The following PCDHA1 variants were observed in gnomAD, a reference collection of about 807,000 sequenced individuals.
The protein encoded by PCDHA1 is protocadherin alpha-1.
Under a neutral mutation model 61.3 loss-of-function variants are expected in PCDHA1, and 42 were observed. That is an observed-to-expected ratio of 0.69 (90% CI 0.54 to 0.89). The LOEUF (loss-of-function observed/expected upper bound fraction) is 0.89, where lower values mean the gene tolerates loss of function less well. PCDHA1 is among the 40% of genes least tolerant of loss of function. The pLI is 0.00. For missense variants in PCDHA1, 1,256 were observed against 1,235.3 expected (o/e 1.02, Z -0.25); for synonymous variants, 610 against 553.8 (o/e 1.10, Z -1.43).
intron 1 of PCDHA1, chr5:140,967,979 G>A (rs1405177525): frequency 1.2e-6 from 2 of 1,614,100 alleles, no homozygotes; most frequent in African/African-American, 1.3e-5. Flanking sequence ...CCTGGGTCTG[G>A]AGGCCACACT....
rs782115801 is a variant in PCDHA1, at chr5:140,787,844, C to G, written c.1554C>G (p.Tyr518Ter). 6.2e-7 allele frequency: 1 copy of G among 1,612,578 alleles called. No homozygotes were observed. Among genetic ancestry groups the G allele is most frequent in the Non-Finnish European group, 8.5e-7 (1 of 1,179,806 alleles). Residue 518 changes from tyrosine (Y) to a stop codon, truncating the protein, a stop_gained, in exon 1 of 4, where the codon TAC becomes TAG. Coordinates refer to ENST00000504120, the MANE Select transcript of PCDHA1 (RefSeq NM_018900.4). LOFTEE classifies it high-confidence loss of function. ...VSVHAESGKV[Y>*]ALQPLDHEEL... ...TGCACGCGGAGAGCGGCAAGGTGTA[C>G]GCACTGCAGCCCCTGGACCACGAGG...
intron 1 of PCDHA1, chr5:140,823,498 G>T (rs2150126426): frequency 1.2e-6 from 2 of 1,613,304 alleles, no homozygotes; most frequent in Admixed American, 1.7e-5. Context: ...CACCGGCGGC[G>T]CAGTGAGCGA....
chr5:140,881,757 A>G (rs1238055344), intron 1 of PCDHA1, among the ~76,000 whole-genome samples: 1 of 152,166 alleles, frequency 6.6e-6, no homozygotes, highest in Non-Finnish European at 1.5e-5. Flanking sequence ...TACCACAAAA[A>G]CCTACATGAC....
chr5:140,870,318 G>A (rs372041974), intron 1 of PCDHA1: 11 of 1,614,060 alleles, frequency 6.8e-6, no homozygotes, highest in African/African-American at 4.0e-5. Flanking sequence ...ATTACTACTC[G>A]TTGGTGCTGG....
At chr5:140,927,639 G>T in intron 1 of PCDHA1, 11 of 1,614,194 alleles carry the variant, frequency 6.8e-6, no homozygotes, top group Non-Finnish European at 9.3e-6. Flanking sequence ...CACCCAATGG[G>T]ACTGTGTTAT....
intron 1 of PCDHA1, chr5:140,869,706 T>C (rs1554163364): frequency 2.5e-6 from 4 of 1,613,406 alleles, no homozygotes; most frequent in South Asian, 1.1e-5. Flanking sequence ...AGTCTCTGGA[T>C]AGAGAGAAAA....
chr5:140,909,550 A>C (rs549281873), intron 1 of PCDHA1, among the ~76,000 whole-genome samples: 2 of 152,232 alleles, frequency 1.3e-5, no homozygotes, highest in East Asian at 3.9e-4. Context: ...GGTGGCACTA[A>C]TCTCTGCAAC....
Position 140,787,542 on chromosome 5 carries a change from C to A in PCDHA1, c.1252C>A (p.Leu418Met). ...GGACAGCGCCCTGGATCGCGAGAGC[C>A]TGTCGGTCTATGAGCTGGTGGTGAC... ...VLDSALDRES[L>M]SVYELVVTAR... The change falls in exon 1 of 4, where the codon CTG becomes ATG. Residue 418 changes from leucine to methionine, a missense_variant. Transcript: ENST00000504120. 6.2e-7 allele frequency: 1 copy of A among 1,614,228 alleles called. No individual in the cohort carries two copies. The highest frequency in any genetic ancestry group is 1.3e-5 in the African/African-American group (1 of 75,068).
intron 1 of PCDHA1, chr5:140,841,780 G>T: frequency 6.2e-7 from 1 of 1,613,894 alleles, no homozygotes; most frequent in South Asian, 1.1e-5. Flanking sequence ...CTCGGTTTCC[G>T]CTAGAGGGCG....
At chr5:140,966,253 G>A in intron 1 of PCDHA1, 1 of 328,324 alleles carries the variant, frequency 3.0e-6, no homozygotes, top group South Asian at 1.5e-4. Context: ...GGGGAGAGAC[G>A]GTGGAGACTG....
chr5:140,938,166 G>A (rs2091953104), intron 1 of PCDHA1, among the ~76,000 whole-genome samples: 2 of 151,980 alleles, frequency 1.3e-5, no homozygotes, highest in South Asian at 4.1e-4. Flanking sequence ...GGCTAGTCTG[G>A]AGCTCCTGGG....
chr5:140,787,329 G>T lies in PCDHA1; in HGVS notation c.1039G>T (p.Ala347Ser). Residue 347 changes from alanine to serine, a missense_variant, in exon 1 of 4, where the codon GCT becomes TCT. Physicochemically the swap from Ala to Ser is moderately conservative, Grantham distance 99 (BLOSUM62 1). Coordinates refer to ENST00000504120, the MANE Select transcript of PCDHA1 (RefSeq NM_018900.4). The stretch of plus-strand genomic sequence containing the variant: ...GAAAGTGCTGGATGTAAATGATAAT[G>T]CTCCAGAACTGGCGGTCACTTCATT... ...LVKVLDVNDN[A>S]PELAVTSLYL... is the part of the protein sequence containing the mutation. 6.2e-7 allele frequency: 1 copy of T among 1,614,162 alleles called. No individual in the cohort carries two copies. Among genetic ancestry groups the T allele is most frequent in the Non-Finnish European group, 8.5e-7 (1 of 1,179,980 alleles).
intron 1 of PCDHA1, among the ~76,000 whole-genome samples, chr5:140,846,371 TTC>T (rs140960073): frequency 0.32 from 35,391 of 108,896 alleles, 6,884 homozygotes; most frequent in South Asian, 0.47. Context: ...TTTTCTTTCT[TTC>T]TTTTTTTTTT....
intron 1 of PCDHA1, chr5:140,856,177 C>G (rs200004763): frequency 6.3e-7 from 1 of 1,598,248 alleles, no homozygotes; most frequent in East Asian, 2.2e-5. Context: ...ACGGCACCTT[C>G]GTGGGCCGCA....
intron 1 of PCDHA1, among the ~76,000 whole-genome samples, chr5:140,879,506 A>T (rs1156992401): frequency 1.3e-5 from 2 of 152,224 alleles, no homozygotes; most frequent in Non-Finnish European, 2.9e-5. Context: ...CTCAGAAGAG[A>T]TTATTGATAT....
chr5:140,791,631 A>T (rs1761668029), intron 1 of PCDHA1, among the ~76,000 whole-genome samples: 1 of 152,198 alleles, frequency 6.6e-6, no homozygotes. Context: ...ATTATTGTTG[A>T]CACTTTTTAC....
At position 140,927,544 on chromosome 5, in the gene PCDHA1, C is replaced by G. The variant is rs1442526060; in HGVS notation, c.2395-51405C>G. 2.5e-6 allele frequency: 4 copies of G among 1,614,034 alleles called. No homozygotes were observed. The East Asian group carries it at 6.7e-5, about 27-fold the overall frequency. ...GCTACCTGCCCGCTCAGGAGACGCA[C>G]AAGTCACCATCATTGTGGTGGACAC... On this transcript the variant is annotated intron_variant, in intron 1 of 3. Transcript: ENST00000504120.
rs2150124281 is a variant in PCDHA1, at chr5:140,823,276, C to T, written c.2394+34592C>T. The T allele has an allele frequency of 1.9e-6, 3 of 1,612,052 alleles. No individual in the cohort carries two copies. Among genetic ancestry groups the T allele is most frequent in the Non-Finnish European group, 2.5e-6 (3 of 1,179,752 alleles). ...GCTGGTGGAGCGGCGGGTGGGCGAGCGCCCGCTGTCGAGTTACGTTTCGGT... is the reference window on the plus strand; with the variant it reads ...GCTGGTGGAGCGGCGGGTGGGCGAGTGCCCGCTGTCGAGTTACGTTTCGGT... On this transcript the variant is annotated intron_variant, in intron 1 of 3. Transcript: ENST00000504120.
chr5:140,855,021 T>C (rs910000039), intron 1 of PCDHA1, among the ~76,000 whole-genome samples: 2 of 149,920 alleles, frequency 1.3e-5, no homozygotes, highest in African/African-American at 4.9e-5. Context: ...ATGAAACTTC[T>C]TGTATAAAGG....
Sources: allele counts gnomAD v4.1 joint callset (sites outside exome capture counted in the v4.1 genomes callset), GRCh38; gene constraint gnomAD v4.1.1; transcripts MANE v1.5; gene names NCBI Gene and HGNC (gene_info 2026-07-23, HGNC 2026-07-21).